IMMP2L: variants seen among roughly 807,000 people sequenced by gnomAD.
The protein encoded by IMMP2L is inner mitochondrial membrane peptidase subunit 2.
IMMP2L carries 18 observed loss-of-function variants against 19.3 expected under a neutral mutation model. That is an observed-to-expected ratio of 0.93 (90% CI 0.64 to 1.38). The LOEUF is 1.38. Among genes scored for constraint, IMMP2L ranks in the 40% most tolerant of loss-of-function variants. The pLI is 0.00. For synonymous variants in IMMP2L, 76 were observed against 73.0 expected, an observed-to-expected ratio of 1.04 and a Z score of -0.21; for missense variants, 233 against 218.2, an observed-to-expected ratio of 1.07 and a Z score of -0.43.
intron 3 of IMMP2L, among the ~76,000 whole-genome samples, chr7:111,044,766 C>T (rs1010018325): frequency 2.6e-5 from 4 of 151,904 alleles, no homozygotes; most frequent in Non-Finnish European, 5.9e-5. Context: ...TTTTTTTATC[C>T]CATCAACAAG....
intron 5 of IMMP2L, among the ~76,000 whole-genome samples, chr7:110,860,313 T>C (rs1465453916): frequency 6.6e-6 from 1 of 152,100 alleles, no homozygotes; most frequent in African/African-American, 2.4e-5. Context: ...ATGACTAGAG[T>C]AATAAATTTC....
At chr7:111,497,143 C>T (rs1223949301) in intron 2 of IMMP2L, among the ~76,000 whole-genome samples, 1 of 152,084 alleles carries the variant, frequency 6.6e-6, no homozygotes, top group East Asian at 1.9e-4. Flanking sequence ...AACGCCCCAT[C>T]AAAGTGTCAC....
chr7:111,193,330 T>C (rs1001276656), intron 3 of IMMP2L, among the ~76,000 whole-genome samples: 1 of 152,122 alleles, frequency 6.6e-6, no homozygotes, highest in Non-Finnish European at 1.5e-5. Context: ...AGATGCTTCT[T>C]CTTCCCACTC....
intron 3 of IMMP2L, among the ~76,000 whole-genome samples, chr7:111,289,708 GT>G (rs1820881877): frequency 6.6e-6 from 1 of 151,802 alleles, no homozygotes; most frequent in Non-Finnish European, 1.5e-5. Flanking sequence ...GTTTTGTTTT[GT>G]TTTTTAAGAT....
intron 3 of IMMP2L, among the ~76,000 whole-genome samples, chr7:111,085,483 T>C (rs1159412199): frequency 3.3e-5 from 5 of 152,222 alleles, no homozygotes; most frequent in Non-Finnish European, 7.3e-5. Context: ...TAGTAAGGAC[T>C]CAGTAAGGTG....
chr7:111,137,754 G>A (rs1362962641), intron 3 of IMMP2L, among the ~76,000 whole-genome samples: 1 of 152,136 alleles, frequency 6.6e-6, no homozygotes. Context: ...ACTTTAATAT[G>A]AATGATTTAA....
chr7:110,838,319 T>G (rs1470002010), intron 5 of IMMP2L, among the ~76,000 whole-genome samples: 4 of 152,194 alleles, frequency 2.6e-5, no homozygotes, highest in African/African-American at 9.6e-5. Context: ...ATTGTATTTA[T>G]GCATCTTCAA....
intron 3 of IMMP2L, chr7:111,411,241 G>T: frequency 5.4e-6 from 1 of 184,218 alleles, no homozygotes; most frequent in Non-Finnish European, 1.2e-5. Flanking sequence ...AGTGCTGTTA[G>T]AAAAAAACTG....
chr7:110,854,823 T>C (rs1158285222), intron 5 of IMMP2L, among the ~76,000 whole-genome samples: 1 of 151,978 alleles, frequency 6.6e-6, no homozygotes, highest in African/African-American at 2.4e-5. Flanking sequence ...TACTAGACTA[T>C]AATATTCTGG....
chr7:111,200,130 T>C (rs1372809407), intron 3 of IMMP2L, among the ~76,000 whole-genome samples: 3 of 152,132 alleles, frequency 2.0e-5, no homozygotes, highest in Non-Finnish European at 4.4e-5. Flanking sequence ...TTTACAAAAT[T>C]ACAGGGAAAA....
At chr7:111,348,014 C>G (rs1381072303) in intron 3 of IMMP2L, among the ~76,000 whole-genome samples, 2 of 151,690 alleles carry the variant, frequency 1.3e-5, no homozygotes, top group Non-Finnish European at 2.9e-5. Flanking sequence ...TGGAAACCAT[C>G]ACTCTGAGCA....
intron 5 of IMMP2L, among the ~76,000 whole-genome samples, chr7:110,749,376 C>T (rs545399082): frequency 6.6e-6 from 1 of 152,144 alleles, no homozygotes; most frequent in East Asian, 1.9e-4. Context: ...ACCATTTGAC[C>T]CAGCAATCTC....
chr7:111,294,462 A>T (rs1645659801), intron 3 of IMMP2L, among the ~76,000 whole-genome samples: 2 of 152,102 alleles, frequency 1.3e-5, no homozygotes, highest in Middle Eastern at 6.8e-3. Flanking sequence ...TTTAATTTAC[A>T]TACAGAGCTA....
At chr7:111,460,678 A>G (rs911882597) in intron 3 of IMMP2L, among the ~76,000 whole-genome samples, 3 of 151,978 alleles carry the variant, frequency 2.0e-5, no homozygotes, top group African/African-American at 7.2e-5. Context: ...ATTTGTTCCC[A>G]CAATTGCCAA....
intron 5 of IMMP2L, among the ~76,000 whole-genome samples, chr7:110,688,289 C>G (rs1403225901): frequency 1.3e-5 from 2 of 151,992 alleles, no homozygotes; most frequent in Non-Finnish European, 2.9e-5. Context: ...TTAGAAATAG[C>G]TCGTGGAAAC....
intron 3 of IMMP2L, among the ~76,000 whole-genome samples, chr7:111,155,195 C>G (rs2129604192): frequency 6.6e-6 from 1 of 152,172 alleles, no homozygotes; most frequent in South Asian, 2.1e-4. Context: ...ACAGAAGAAC[C>G]TAAAGTTTCC....
intron 3 of IMMP2L, among the ~76,000 whole-genome samples, chr7:111,284,782 G>A (rs1820309469): frequency 6.6e-6 from 1 of 152,194 alleles, no homozygotes; most frequent in Non-Finnish European, 1.5e-5. Context: ...AGCAATGAAA[G>A]TTCAAGGGGT....
At chr7:111,204,240 T>G (rs930770473) in intron 3 of IMMP2L, among the ~76,000 whole-genome samples, 60 of 152,304 alleles carry the variant, frequency 3.9e-4, no homozygotes, top group African/African-American at 1.3e-3. Context: ...CGCTCACTGA[T>G]GCAAATGTCT....
Position 111,173,541 on chromosome 7 carries a change from C to T in IMMP2L, c.240-209976G>A, listed in dbSNP as rs188486619. ...GAATTTTATACATTGCCTGAATCTA[C>T]TGGTTACAACCACAGTGGTTTGGAG... is the stretch of plus-strand genomic sequence containing the variant. On this transcript the variant is annotated intron_variant, in intron 3 of 5. Coordinates refer to ENST00000405709, the MANE Select transcript of IMMP2L (RefSeq NM_032549.4). Among the ~76,000 whole-genome samples the T allele has an allele frequency of 3.3e-5, 5 of 151,704 alleles. No individual in the cohort carries two copies. The East Asian group carries it at 5.8e-4, about 18-fold the overall frequency.
Sources: gnomAD v4.1 joint callset for allele counts (sites outside exome capture counted in the v4.1 genomes callset) on GRCh38, gnomAD v4.1.1 for gene constraint, MANE v1.5 for transcripts, NCBI Gene and HGNC (gene_info 2026-07-23, HGNC 2026-07-21) for gene names.